The following FAT3 variants were observed in gnomAD, a reference collection of about 807,000 sequenced individuals.
FAT3 encodes the protein protocadherin Fat 3.
FAT3 carries 95 observed loss-of-function variants against 310.2 expected under a neutral mutation model. The ratio of observed to expected loss-of-function variants is 0.31; its 90% CI spans 0.26 to 0.36. The LOEUF is 0.36. FAT3 is among the 10% of genes least tolerant of loss of function. The pLI is 1.00. For missense variants in FAT3, 5,408 were observed against 5,715.6 expected (o/e 0.95, Z 1.74); for synonymous variants, 2,314 against 2,192.9 (o/e 1.06, Z -1.54).
At chr11:92,373,813 G>T (rs1327614809) in intron 2 of FAT3, among the ~76,000 whole-genome samples, 1 of 145,242 alleles carries the variant, frequency 6.9e-6, no homozygotes, top group Non-Finnish European at 1.5e-5. Flanking sequence ...CACACACAGA[G>T]ACATAGATAG....
In FAT3 at chr11:92,801,336, A is replaced by T; in HGVS notation, c.8323A>T (p.Thr2775Ser). Residue 2775 changes from threonine (T) to serine (S), a missense_variant, in exon 10 of 28, where the codon ACC becomes TCC. Transcript: ENST00000525166. ...GCTTGACAAACGCCTTGACCGTGAAACCAGCCCAGCTTTCCACTTTAAAGT... is the reference window on the plus strand; with the variant it reads ...GCTTGACAAACGCCTTGACCGTGAATCCAGCCCAGCTTTCCACTTTAAAGT... Reference protein sequence around the residue: ...IKLDKRLDRETSPAFHFKVAA... With the variant: ...IKLDKRLDRESSPAFHFKVAA... The T allele has an allele frequency of 1.2e-6, 2 of 1,613,942 alleles. No individual in the cohort carries two copies. Among genetic ancestry groups the T allele is most frequent in the Non-Finnish European group, 1.7e-6 (2 of 1,179,860 alleles).
intron 2 of FAT3, among the ~76,000 whole-genome samples, chr11:92,457,650 T>C (rs1337607764): frequency 6.6e-6 from 1 of 152,202 alleles, no homozygotes; most frequent in Non-Finnish European, 1.5e-5. Flanking sequence ...GGCTGGGTGC[T>C]GTGGCTCACA....
intron 2 of FAT3, among the ~76,000 whole-genome samples, chr11:92,401,426 C>T (rs1305430491): frequency 6.6e-6 from 1 of 152,094 alleles, no homozygotes; most frequent in African/African-American, 2.4e-5. Context: ...CAGGGCAATT[C>T]TGAAAACTTA....
At chr11:92,576,995 C>T (rs1938516663) in intron 3 of FAT3, among the ~76,000 whole-genome samples, 1 of 148,680 alleles carries the variant, frequency 6.7e-6, no homozygotes, top group Non-Finnish European at 1.5e-5. Flanking sequence ...GAATCATAGA[C>T]TATTATACCA....
chr11:92,427,358 A>C (rs1222840731), intron 2 of FAT3, among the ~76,000 whole-genome samples: 1 of 152,094 alleles, frequency 6.6e-6, no homozygotes, highest in East Asian at 1.9e-4. Flanking sequence ...AATACCCTTT[A>C]TTTCTTTCCC....
intron 1 of FAT3, among the ~76,000 whole-genome samples, chr11:92,259,015 G>T (rs1020319337): frequency 2.0e-5 from 3 of 151,902 alleles, no homozygotes; most frequent in Admixed American, 2.0e-4. Context: ...GGCTGTGTGT[G>T]GGGGGCGGGG....
intron 2 of FAT3, among the ~76,000 whole-genome samples, chr11:92,450,106 T>A (rs557606845): frequency 1.2e-4 from 19 of 152,342 alleles, no homozygotes; most frequent in Non-Finnish European, 2.5e-4. Context: ...ACCAATCGGC[T>A]TTGACAACTG....
intron 4 of FAT3, among the ~76,000 whole-genome samples, chr11:92,731,410 A>C (rs2135999859): frequency 6.6e-6 from 1 of 152,226 alleles, no homozygotes; most frequent in East Asian, 1.9e-4. Flanking sequence ...CCAAATGTTC[A>C]ATACTGCCCT....
chr11:92,378,494 G>T (rs1294063806), intron 2 of FAT3, among the ~76,000 whole-genome samples: 3 of 152,048 alleles, frequency 2.0e-5, no homozygotes, highest in African/African-American at 7.2e-5. Flanking sequence ...GGAAATGTAG[G>T]TTCATTTCAG....
chr11:92,870,119 G>A (rs377384121), intron 22 of FAT3, among the ~76,000 whole-genome samples: 2 of 152,286 alleles, frequency 1.3e-5, no homozygotes, highest in East Asian at 1.9e-4. Context: ...ATTGGTCATC[G>A]GTTCTCCTGG....
At chr11:92,619,018 T>C (rs373903015) in intron 3 of FAT3, among the ~76,000 whole-genome samples, 1 of 152,180 alleles carries the variant, frequency 6.6e-6, no homozygotes, top group African/African-American at 2.4e-5. Context: ...AGTTCTCTTC[T>C]ATTCTGATTT....
At chr11:92,599,492 C>T (rs1428009916) in intron 3 of FAT3, among the ~76,000 whole-genome samples, 1 of 152,134 alleles carries the variant, frequency 6.6e-6, no homozygotes, top group Non-Finnish European at 1.5e-5. Flanking sequence ...TAGGCAGAGA[C>T]ACAGCCAAAC....
chr11:92,566,072 A>G (rs972880772), intron 3 of FAT3, among the ~76,000 whole-genome samples: 1 of 152,332 alleles, frequency 6.6e-6, no homozygotes, highest in South Asian at 2.1e-4. Flanking sequence ...AGGGTATTCA[A>G]TTAGGAAAAG....
intron 3 of FAT3, among the ~76,000 whole-genome samples, chr11:92,564,185 A>G (rs1335315687): frequency 6.6e-6 from 1 of 152,162 alleles, no homozygotes; most frequent in Non-Finnish European, 1.5e-5. Context: ...TAAAAGGATG[A>G]AGGAAGATCT....
At chr11:92,394,728 A>G (rs1377543683) in intron 2 of FAT3, among the ~76,000 whole-genome samples, 4 of 152,164 alleles carry the variant, frequency 2.6e-5, no homozygotes, top group Non-Finnish European at 4.4e-5. Flanking sequence ...CTCATTTTAA[A>G]ATTGAATCTA....
At chr11:92,547,910 T>TG (rs1253794102) in intron 3 of FAT3, among the ~76,000 whole-genome samples, 1 of 152,148 alleles carries the variant, frequency 6.6e-6, no homozygotes, top group African/African-American at 2.4e-5. Flanking sequence ...GCAGAGGCTC[T>TG]GGGGGGCACA....
intron 2 of FAT3, among the ~76,000 whole-genome samples, chr11:92,439,316 T>C (rs944997537): frequency 7.2e-5 from 11 of 152,204 alleles, no homozygotes; most frequent in African/African-American, 2.4e-4. Flanking sequence ...TCATATGCCA[T>C]GTCTTATTAG....
chr11:92,710,980 A>T (rs1944501055), intron 4 of FAT3, among the ~76,000 whole-genome samples: 1 of 152,222 alleles, frequency 6.6e-6, no homozygotes. Context: ...CGATTATAGA[A>T]ATATGAGAAT....
intron 3 of FAT3, among the ~76,000 whole-genome samples, chr11:92,575,055 T>C (rs1938401415): frequency 6.6e-6 from 1 of 152,190 alleles, no homozygotes; most frequent in Non-Finnish European, 1.5e-5. Context: ...TCTGACTTTT[T>C]AAATATGACT....
Sources: allele counts gnomAD v4.1 joint callset (sites outside exome capture counted in the v4.1 genomes callset), GRCh38; gene constraint gnomAD v4.1.1; transcripts MANE v1.5; gene names NCBI Gene and HGNC (gene_info 2026-07-23, HGNC 2026-07-21).